The following ZNF541 variants were observed in gnomAD, a reference collection of about 807,000 sequenced individuals.
ZNF541 encodes zinc finger protein 541.
In ZNF541, 23 loss-of-function variants were observed where a neutral mutation model predicts 123.5. The ratio of observed to expected loss-of-function variants is 0.19; its 90% confidence interval spans 0.13 to 0.26. ZNF541 has a LOEUF of 0.26. Ranked by LOEUF, ZNF541 falls within the 10% of genes least tolerant of loss-of-function variation. The pLI is 1.00. For synonymous variants in ZNF541, 751 were observed against 754.5 expected (o/e 1.00, Z 0.08); for missense variants, 1,612 against 1,789.9 (o/e 0.90, Z 1.79).
At position 47,529,586 on chromosome 19, in the gene ZNF541, G is replaced by A; in HGVS notation, c.3472C>T (p.Arg1158Cys). 6.4e-7 allele frequency: 1 copy of A among 1,551,678 alleles called. No individual in the cohort carries two copies. Among genetic ancestry groups the A allele is most frequent in the South Asian group, 1.2e-5 (1 of 84,064 alleles). ...AGCCTTTCCCCGTCACCTGTGTAGC[G>A]ATAGTCAGCGAGCAGGTGTGTCCGT... ...KPRTHLLADY[R>C]YTGSDVWTPI... The change falls in exon 13 of 17, where the codon CGC becomes TGC. Residue 1158 changes from arginine (R) to cysteine (C), a missense_variant. Transcript: ENST00000391901.
chr19:47,546,558 A>G (rs1208461588), intron 4 of ZNF541, among the ~76,000 whole-genome samples: 1 of 152,068 alleles, frequency 6.6e-6, no homozygotes, highest in African/African-American at 2.4e-5. Context: ...ATACAAAAAA[A>G]AAAATCCACT....
At chr19:47,528,237 C>T (rs1290865962) in intron 14 of ZNF541, among the ~76,000 whole-genome samples, 27 of 144,360 alleles carry the variant, frequency 1.9e-4, no homozygotes, top group African/African-American at 6.8e-4. Context: ...ATCGCTTGAA[C>T]CCGGGAGGCG....
chr19:47,543,955 T>A (rs1008074267), intron 5 of ZNF541, among the ~76,000 whole-genome samples, 171 bp downstream of exon 5: 2 of 151,948 alleles, frequency 1.3e-5, no homozygotes, highest in African/African-American at 4.8e-5. Context: ...GGCCTCATTC[T>A]GGTCTTTTTT....
At chr19:47,563,695 C>T (rs918455745) in intron 2 of ZNF541, among the ~76,000 whole-genome samples, 1 of 152,186 alleles carries the variant, frequency 6.6e-6, no homozygotes, top group African/African-American at 2.4e-5. Flanking sequence ...CAACCTCTGC[C>T]TCCTGGGTTC....
At chr19:47,567,220 TA>T (rs1971300039) in intron 2 of ZNF541, among the ~76,000 whole-genome samples, 1 of 152,044 alleles carries the variant, frequency 6.6e-6, no homozygotes, top group African/African-American at 2.4e-5. Flanking sequence ...CTTGAGGAAC[TA>T]AACTCTTTAT....
intron 10 of ZNF541, 108 bp downstream of exon 10, chr19:47,532,801 A>G (rs981335251): frequency 6.0e-6 from 6 of 1,004,372 alleles, no homozygotes; most frequent in Admixed American, 5.4e-5. Context: ...TAGGGAGCCT[A>G]TGTGAGTAAA....
intron 3 of ZNF541, among the ~76,000 whole-genome samples, chr19:47,551,554 C>A (rs1180334627): frequency 5.3e-5 from 8 of 151,804 alleles, no homozygotes; most frequent in Admixed American, 4.6e-4. Context: ...ATTTTTATTT[C>A]TTGAGACAGG....
At chr19:47,542,973 T>G (rs1054901932) in intron 5 of ZNF541, among the ~76,000 whole-genome samples, 1 of 151,634 alleles carries the variant, frequency 6.6e-6, no homozygotes, top group Admixed American at 6.6e-5. Flanking sequence ...ATTTAAAAAA[T>G]AAAATAAAGT....
chr19:47,555,887 C>T lies in ZNF541; in HGVS notation c.-31G>A. ...TCCACTGCCAGGTCTTGGCCAAAAG[C>T]TACTCTCCAGATAAGCAAAACCATG... On this transcript the variant is annotated 5_prime_UTR_variant, in exon 3 of 17. Transcript: ENST00000391901. 4 of 1,525,864 alleles carry T rather than the reference C, an allele frequency of 2.6e-6. No individual in the cohort carries two copies. The highest frequency in any genetic ancestry group is 3.5e-6 in the Non-Finnish European group (4 of 1,132,362). 94.5% of individuals were successfully genotyped at this position (1,525,864 alleles called of 1,614,324 possible).
chr19:47,571,450 A>G (rs924765853), intron 2 of ZNF541, among the ~76,000 whole-genome samples: 7 of 152,218 alleles, frequency 4.6e-5, no homozygotes, highest in African/African-American at 1.7e-4. Flanking sequence ...CTAGCATTTA[A>G]AAATCAGAAG....
chr19:47,566,203 G>A lies in ZNF541; in HGVS notation c.-99+5693C>T, dbSNP rs978265648. ...AAAAAAAATAAAATAAAATTTAAAG[G>A]GGCCATCATTCCATGACTGGTGGGG... On this transcript the variant is annotated intron_variant, in intron 2 of 16. Transcript: ENST00000391901. Among the ~76,000 whole-genome samples the A allele has an allele frequency of 4.6e-5, 7 of 151,750 alleles. No individual in the cohort carries two copies. In the South Asian group the frequency reaches 1.5e-3, roughly 32 times the overall value.
chr19:47,551,674 G>T (rs1471472946), intron 3 of ZNF541, among the ~76,000 whole-genome samples: 1 of 151,234 alleles, frequency 6.6e-6, no homozygotes, highest in East Asian at 2.0e-4. Context: ...GAGTAGCACG[G>T]GCCACCACCA....
In ZNF541 at chr19:47,545,194, G is replaced by T; in HGVS notation, c.1335C>A (p.Ser445=). Residue 445 remains serine (S), a synonymous_variant, in exon 5 of 17, where the codon TCC becomes TCA. Transcript: ENST00000391901. This position sits in a 1 kb window ranked among gnomAD's most constrained non-coding sequence, Gnocchi z 7.5. ...CGCTGCTGGGTCCCGGGCCAGACTC[G>T]GAGCCCTCCCGCGAGGGCACGGCCG... ...KPSAVPSREG[S]ESGPGPSSGS... The T allele has an allele frequency of 5.3e-6, 8 of 1,521,002 alleles. No homozygotes were observed. Among genetic ancestry groups the T allele is most frequent in the Non-Finnish European group, 6.2e-6 (7 of 1,132,530 alleles). The allele number at this position is 1,521,002 out of a possible 1,614,324, so 94.2% of individuals were successfully genotyped here.
chr19:47,532,132 A>G lies in ZNF541; in HGVS notation c.3297T>C (p.Asp1099=). The G allele has an allele frequency of 6.4e-7, 1 of 1,551,702 alleles. No individual in the cohort carries two copies. Among genetic ancestry groups the G allele is most frequent in the Non-Finnish European group, 8.7e-7 (1 of 1,146,990 alleles). The change falls in exon 11 of 17, where the codon GAT becomes GAC. Residue 1099 remains aspartate (D), a synonymous_variant. Coordinates refer to ENST00000391901, the MANE Select transcript of ZNF541 (RefSeq NM_001277075.3). ...GDMMISSETQ[D]RVTELCNVAC... is the part of the protein sequence containing the mutation. ...TAGCCCCAAAGCCTCAGCCACCTCT[A>G]TCCTGTGTCTCTGAGCTGATCATCA...
intron 3 of ZNF541, among the ~76,000 whole-genome samples, chr19:47,549,688 G>A (rs553685311): frequency 1.2e-4 from 19 of 152,298 alleles, no homozygotes; most frequent in African/African-American, 1.9e-4. Flanking sequence ...TTGGTGCCAC[G>A]TGTGGAGGGA....
rs188157037 is a variant in ZNF541, at chr19:47,523,798, C to T, written c.3571-1804G>A. Among the ~76,000 whole-genome samples the T allele has an allele frequency of 3.1e-3, 473 of 152,260 alleles. 2 individuals are homozygous for T. The highest frequency in any genetic ancestry group is 0.011 in the African/African-American group (442 of 41,552). On this transcript the variant is annotated intron_variant, in intron 14 of 16. Transcript: ENST00000391901. ...AGGGAGCTGAGGTGGAGCACAGTGC[C>T]TCCGGAGACCACGGCGGTAGAGCCC...
Position 47,539,795 on chromosome 19 carries a change from C to G in ZNF541, c.2706G>C (p.Lys902Asn). The change falls in exon 8 of 17, where the codon AAG becomes AAC. Residue 902 changes from lysine (K) to asparagine (N), a missense_variant. By Grantham distance (94) the Lys-to-Asn change is moderately conservative. Around this residue, in one of 5 missense-constraint regions of ZNF541, gnomAD observed 1,080 missense variants for 1,013.8 expected, o/e 1.07. Coordinates refer to ENST00000391901, the MANE Select transcript of ZNF541 (RefSeq NM_001277075.3). ...GDRHSPPGTK[K>N]PLDPTAAAPL... is the part of the protein sequence containing the mutation. ...GGGCTGCAGCTGTGGGGTCCAAGGG[C>G]TTCTTGGTTCCTGGGGGACTATGCC... 6.7e-7 allele frequency: 1 copy of G among 1,486,598 alleles called. No homozygotes were observed. Among genetic ancestry groups the G allele is most frequent in the Non-Finnish European group, 8.9e-7 (1 of 1,126,508 alleles). 92.1% of individuals were successfully genotyped at this position (1,486,598 alleles called of 1,614,324 possible). A position where few individuals can be genotyped will look rare whatever the true frequency, so the allele number is the denominator to read the frequency against.
intron 14 of ZNF541, among the ~76,000 whole-genome samples, chr19:47,525,071 G>A (rs1969221187): frequency 1.3e-5 from 2 of 152,044 alleles, no homozygotes; most frequent in Admixed American, 1.3e-4. Context: ...GATCACCTGA[G>A]GTCAGGAGTT....
At chr19:47,554,626 C>A (rs575044426) in intron 3 of ZNF541, among the ~76,000 whole-genome samples, 5 of 152,198 alleles carry the variant, frequency 3.3e-5, no homozygotes, top group South Asian at 2.1e-4. Flanking sequence ...TCAGAAGGGA[C>A]CGGACCCCAG....
Sources: gnomAD v4.1 joint callset for allele counts (sites outside exome capture counted in the v4.1 genomes callset) on GRCh38, gnomAD v4.1.1 for gene constraint, gnomAD v4.1.1 regional missense constraint, Gnocchi (gnomAD v3.1) non-coding constraint, MANE v1.5 for transcripts, NCBI Gene and HGNC (gene_info 2026-07-23, HGNC 2026-07-21) for gene names.